Variants in SBNO2 observed in about 807,000 individuals in gnomAD.
SBNO2 encodes the protein strawberry notch homolog 2, also known as protein strawberry notch homolog 2.
A neutral mutation model predicts 146.3 loss-of-function variants in SBNO2; 89 were observed. The ratio of observed to expected loss-of-function variants is 0.61; its 90% confidence interval spans 0.51 to 0.73. The LOEUF (loss-of-function observed/expected upper bound fraction) is 0.73. Ranked by LOEUF, SBNO2 falls within the 30% of genes least tolerant of loss-of-function variation. The pLI, the probability that SBNO2 is intolerant of heterozygous loss-of-function variation, is 0.00. For synonymous variants in SBNO2, 1,147 were observed against 892.6 expected, an observed-to-expected ratio of 1.29 and a Z score of -5.08; for missense variants, 2,092 against 2,003.7, an observed-to-expected ratio of 1.04 and a Z score of -0.84.
Position 1,114,389 on chromosome 19 carries a change from C to A in SBNO2, c.1919G>T (p.Arg640Leu), listed in dbSNP as rs962116813. The change falls in exon 18 of 32, where the codon CGG (arginine) becomes CTG (leucine). Residue 640 changes from arginine to leucine, a missense_variant. By Grantham distance (102) the Arg-to-Leu change is moderately radical (BLOSUM62 -2). Transcript: ENST00000361757. Reference sequence around the variant, plus strand: ...GACGCCCGCTGTCTCGCACGCCAGCCGGGGGGCTTTGGCCCCGCGTCCCCG... The same window carrying A: ...GACGCCCGCTGTCTCGCACGCCAGCAGGGGGGCTTTGGCCCCGCGTCCCCG... ...RPRGRGAKAP[R>L]LACETAGVIR... 6.5e-6 allele frequency: 10 copies of A among 1,550,130 alleles called. No homozygotes were observed. The highest frequency in any genetic ancestry group is 8.7e-6 in the Non-Finnish European group (10 of 1,146,582).
In SBNO2 at chr19:1,154,335, C is replaced by CG; in HGVS notation, c.-60dup. The CG allele has an allele frequency of 1.1e-6, 1 of 931,842 alleles. No individual in the cohort carries two copies. The highest frequency in any genetic ancestry group is 1.4e-6 in the Non-Finnish European group (1 of 712,678). The allele number at this position is 931,842 out of a possible 1,614,324, so 57.7% of individuals were successfully genotyped here. A position where few individuals can be genotyped will look rare whatever the true frequency, so the allele number is the denominator to read the frequency against. On this transcript the variant is annotated 5_prime_UTR_variant, in exon 2 of 32. Transcript: ENST00000361757. ...CAGCAGGCGGCGGGACTCCAGGACC[C>CG]GGGGCCGCCGGGGCGTCTATCTGGG...
In SBNO2 at chr19:1,115,966, G is replaced by A. The variant is rs750899052; in HGVS notation, c.1885+55C>T. On this transcript the variant is annotated intron_variant, in intron 17 of 31. Coordinates refer to ENST00000361757, the MANE Select transcript of SBNO2 (RefSeq NM_014963.3). ...AGCAGGGAGCGACCAGCCAGCCCCC[G>A]GGGGGAGAAAGCAGAGGGGCAGGGG... The A allele has an allele frequency of 4.1e-5, 58 of 1,428,086 alleles. 1 individual carries two copies. The highest frequency in any genetic ancestry group is 5.7e-5 in the African/African-American group (4 of 70,774). The allele number at this position is 1,428,086 out of a possible 1,614,324, so 88.5% of individuals were successfully genotyped here.
In SBNO2 at chr19:1,127,735, T is replaced by C. The variant is rs752132177; in HGVS notation, c.310A>G (p.Ile104Val). The C allele has an allele frequency of 5.6e-6, 9 of 1,613,260 alleles. No individual in the cohort carries two copies. The Admixed American group carries it at 6.7e-5, about 12-fold the overall frequency. ...TCCACGGACGAGGAGAAGATGGAGA[T>C]GTTGGAGAAGTCCTCAAAATAGGAG... ...DSSYFEDFSN[I>V]SIFSSSVDSL... The change falls in exon 5 of 32, where the codon ATC (isoleucine) becomes GTC (valine). Residue 104 changes from isoleucine (I) to valine (V), a missense_variant. Coordinates refer to ENST00000361757, the MANE Select transcript of SBNO2 (RefSeq NM_014963.3).
intron 1 of SBNO2, among the ~76,000 whole-genome samples, chr19:1,165,260 G>A (rs886462355): frequency 9.2e-5 from 14 of 152,166 alleles, no homozygotes; most frequent in East Asian, 1.9e-4. Context: ...TGGTCAGCAC[G>A]GTGCCGAATG....
intron 1 of SBNO2, among the ~76,000 whole-genome samples, chr19:1,165,676 G>A (rs1323825433): frequency 2.4e-5 from 3 of 124,942 alleles, no homozygotes; most frequent in Non-Finnish European, 3.6e-5. Flanking sequence ...CCAGACCCCA[G>A]TACCCAGACC....
intron 4 of SBNO2, among the ~76,000 whole-genome samples, chr19:1,129,228 T>C (rs534727217): frequency 1.6e-4 from 25 of 151,986 alleles, no homozygotes; most frequent in African/African-American, 5.6e-4. Context: ...GATCGTGCCA[T>C]TGCACTCCAG....
Position 1,113,533 on chromosome 19 carries a change from A to G in SBNO2, c.2247+2T>C. 1 of 1,587,136 alleles carries G rather than the reference A, an allele frequency of 6.3e-7. No individual in the cohort carries two copies. Among genetic ancestry groups the G allele is most frequent in the Non-Finnish European group, 8.5e-7 (1 of 1,169,718 alleles). On this transcript the variant is annotated splice_donor_variant, in intron 19 of 31. Transcript: ENST00000361757. LOFTEE classifies it high-confidence loss of function. ...ACACTCCAGCTGCCACGTCCCACCC[A>G]CCTCCGCCACCCGCTGGGGGCCGCC...
intron 4 of SBNO2, chr19:1,132,074 G>C (rs1211721073): frequency 1.3e-6 from 2 of 1,519,382 alleles, no homozygotes; most frequent in African/African-American, 2.9e-5. Flanking sequence ...CGCCCGCCCC[G>C]GGAAGGGAGT....
At chr19:1,147,036 A>C (rs917688459) in intron 4 of SBNO2, among the ~76,000 whole-genome samples, 1 of 151,570 alleles carries the variant, frequency 6.6e-6, no homozygotes, top group African/African-American at 2.4e-5. Flanking sequence ...CCTCCCCGCA[A>C]CTCCCTCTGT....
intron 1 of SBNO2, among the ~76,000 whole-genome samples, chr19:1,170,835 G>T (rs2080470521): frequency 6.6e-6 from 1 of 151,928 alleles, no homozygotes; most frequent in Admixed American, 6.6e-5. Context: ...GAGCACGGGT[G>T]CAAAGGTCAT....
At position 1,110,627 on chromosome 19, in the gene SBNO2, CTCGCCCACCCGG is replaced by C. The variant is rs2079745316; in HGVS notation, c.3028+106_3028+117del. ...GGATGCACGGTGTTCCCACGAGCCC[CTCGCCCACCCGG>C]GATGCCCGGTGTTCCCACGAGCCCC... On this transcript the variant is annotated intron_variant, in intron 26 of 31. Coordinates refer to ENST00000361757, the MANE Select transcript of SBNO2 (RefSeq NM_014963.3). This position sits in a 1 kb window ranked among gnomAD's most constrained non-coding sequence, Gnocchi z 4.9. 7.6e-7 allele frequency: 1 copy of C among 1,307,690 alleles called. No individual in the cohort carries two copies. Among genetic ancestry groups the C allele is most frequent in the African/African-American group, 1.5e-5 (1 of 66,390 alleles). The allele number at this position is 1,307,690 out of a possible 1,614,324, so 81.0% of individuals were successfully genotyped here. A position where few individuals can be genotyped will look rare whatever the true frequency, so the allele number is the denominator to read the frequency against.
At chr19:1,163,699 C>A (rs539639800) in intron 1 of SBNO2, among the ~76,000 whole-genome samples, 13 of 152,218 alleles carry the variant, frequency 8.5e-5, no homozygotes, top group African/African-American at 3.1e-4. Context: ...ACAGGCCAGG[C>A]GGCGCCGGGG....
In SBNO2 at chr19:1,109,870, C is replaced by T. The variant is rs1046929565; in HGVS notation, c.3029-93G>A. On this transcript the variant is annotated intron_variant, in intron 26 of 31. Transcript: ENST00000361757. This position sits in a 1 kb window ranked among gnomAD's most constrained non-coding sequence, Gnocchi z 4.2. The stretch of plus-strand genomic sequence containing the variant: ...CCGTAGCCGGGGCGCACCCTAGAGA[C>T]GACCCCCCGAGAGCACAGGAGAGGG... 2.1e-5 allele frequency: 19 copies of T among 895,768 alleles called. No homozygotes were observed. The highest frequency in any genetic ancestry group is 3.4e-5 in the South Asian group (2 of 58,500). 55.5% of individuals were successfully genotyped at this position (895,768 alleles called of 1,614,324 possible). A position where few individuals can be genotyped will look rare whatever the true frequency, so the allele number is the denominator to read the frequency against.
chr19:1,128,398 T>C, intron 4 of SBNO2: 1 of 151,218 alleles, frequency 6.6e-6, no homozygotes, highest in South Asian at 1.2e-4. Flanking sequence ...CATCATTTCA[T>C]TTTTTTTTTT....
rs752582984 is a variant in SBNO2, at chr19:1,109,484, G to A, written c.3216+22C>T. 1.5e-5 allele frequency: 24 copies of A among 1,580,892 alleles called. No homozygotes were observed. Among genetic ancestry groups the A allele is most frequent in the Admixed American group, 5.5e-5 (3 of 54,646 alleles). ...GCCCCCCGCGGGCCCTCCTCTGGGG[G>A]GGTAACCCCGCCCGACCCCACCTTG... On this transcript the variant is annotated intron_variant, in intron 28 of 31. Coordinates refer to ENST00000361757, the MANE Select transcript of SBNO2 (RefSeq NM_014963.3). The surrounding 1 kb of genome is among the most constrained non-coding windows in gnomAD (Gnocchi z 4.2).
intron 4 of SBNO2, chr19:1,132,108 C>G: frequency 1.3e-6 from 2 of 1,540,422 alleles, no homozygotes; most frequent in Non-Finnish European, 1.7e-6. Context: ...GAGCCTCAAA[C>G]TGCAGCCACA....
chr19:1,122,662 A>G lies in SBNO2; in HGVS notation c.910T>C (p.Leu304=), dbSNP rs1296035378. The G allele has an allele frequency of 6.7e-6, 10 of 1,486,330 alleles. No individual in the cohort carries two copies. Among genetic ancestry groups the G allele is most frequent in the South Asian group, 2.4e-5 (2 of 83,062 alleles). 92.1% of individuals were successfully genotyped at this position (1,486,330 alleles called of 1,614,324 possible). A position where few individuals can be genotyped will look rare whatever the true frequency, so the allele number is the denominator to read the frequency against. The change falls in exon 9 of 32, where the codon TTG becomes CTG. Residue 304 remains leucine, a synonymous_variant. Coordinates refer to ENST00000361757, the MANE Select transcript of SBNO2 (RefSeq NM_014963.3). The part of the protein sequence containing the change: ...ENHLRGRKKA[L]WFSVSNDLKY... ...CTGCCCCAGGCAGGGCCTCACCACA[A>G]TGCTTTCTTCCGGCCGCGCAGGTGG...
rs1049243110 is a variant in SBNO2 at position 1,173,272 on chromosome 19, C to T, written c.-127+900G>A. Among the ~76,000 whole-genome samples, 1 of 152,074 alleles carries T rather than the reference C, an allele frequency of 6.6e-6. No homozygotes were observed. Among genetic ancestry groups the T allele is most frequent in the Non-Finnish European group, 1.5e-5 (1 of 68,026 alleles). ...CCCCTTCACCGACACACGCTGCTCC[C>T]GGGCCCCACTCGGGCCATCTCAGCC... On this transcript the variant is annotated intron_variant, in intron 1 of 31. Coordinates refer to ENST00000361757, the MANE Select transcript of SBNO2 (RefSeq NM_014963.3). The surrounding 1 kb of genome is among the most constrained non-coding windows in gnomAD (Gnocchi z 4.7).
At chr19:1,120,270 C>T in intron 11 of SBNO2, 1 of 516,592 alleles carries the variant, frequency 1.9e-6, no homozygotes, top group East Asian at 3.1e-5. Context: ...AAACAACACA[C>T]ACCGAGGATG....
Sources: allele counts gnomAD v4.1 joint callset (sites outside exome capture counted in the v4.1 genomes callset), GRCh38; gene constraint gnomAD v4.1.1; non-coding constraint Gnocchi (gnomAD v3.1); transcripts MANE v1.5; gene names NCBI Gene and HGNC (gene_info 2026-07-23, HGNC 2026-07-21).